Variants in PTDSS1 observed in about 807,000 individuals in gnomAD.
PTDSS1 encodes the protein PSS-1.
A neutral mutation model predicts 70.5 loss-of-function variants in PTDSS1; 45 were observed. The ratio of observed to expected loss-of-function variants is 0.64; its 90% CI spans 0.50 to 0.82. The LOEUF (loss-of-function observed/expected upper bound fraction) is 0.82, where lower values mean the gene tolerates loss of function less well. Among genes scored for constraint, PTDSS1 ranks in the 40% least tolerant of loss-of-function variants. The pLI is 0.00. For synonymous variants in PTDSS1, 188 were observed against 203.8 expected, an observed-to-expected ratio of 0.92 and a Z score of 0.66; for missense variants, 417 against 586.1, an observed-to-expected ratio of 0.71 and a Z score of 2.98.
intron 3 of PTDSS1, among the ~76,000 whole-genome samples, chr8:96,286,699 G>T (rs564481833): frequency 2.0e-5 from 3 of 152,174 alleles, no homozygotes; most frequent in Non-Finnish European, 4.4e-5. Context: ...TTCGGAAACC[G>T]ACCTGCATGC....
chr8:96,266,008 A>G (rs1208022312), intron 1 of PTDSS1, among the ~76,000 whole-genome samples: 1 of 152,254 alleles, frequency 6.6e-6, no homozygotes, highest in Non-Finnish European at 1.5e-5. Flanking sequence ...GGCAAGGAAA[A>G]CTTTTGTCTC....
At chr8:96,330,971 C>G in intron 11 of PTDSS1, 55 bp from the exon 12 acceptor site, 4 of 1,493,152 alleles carry the variant, frequency 2.7e-6, no homozygotes, top group Non-Finnish European at 3.7e-6. Context: ...TTTGCCCTGC[C>G]ACTTCTCCCA....
At chr8:96,281,010 G>A (rs925339187) in intron 2 of PTDSS1, among the ~76,000 whole-genome samples, 1 of 152,154 alleles carries the variant, frequency 6.6e-6, no homozygotes, top group Non-Finnish European at 1.5e-5. Flanking sequence ...CTCATGCCGG[G>A]CAGGTGATGC....
intron 1 of PTDSS1, among the ~76,000 whole-genome samples, chr8:96,269,615 AC>A (rs1488198752): frequency 6.6e-6 from 1 of 152,190 alleles, no homozygotes; most frequent in Non-Finnish European, 1.5e-5. Flanking sequence ...AGCAGGAACC[AC>A]ACTGCAGCCT....
chr8:96,308,887 GT>G (rs564942789), intron 8 of PTDSS1, among the ~76,000 whole-genome samples: 1 of 151,714 alleles, frequency 6.6e-6, no homozygotes, highest in Non-Finnish European at 1.5e-5. Flanking sequence ...GTCATTGCCT[GT>G]TTTTTTTCTG....
At chr8:96,317,190 C>T (rs1287971804) in intron 9 of PTDSS1, among the ~76,000 whole-genome samples, 4 of 152,020 alleles carry the variant, frequency 2.6e-5, no homozygotes, top group Admixed American at 1.3e-4. Flanking sequence ...CCTTCCAGGT[C>T]CATGTTACCC....
At chr8:96,303,160 A>G (rs1447735766) in intron 6 of PTDSS1, among the ~76,000 whole-genome samples, 4 of 152,142 alleles carry the variant, frequency 2.6e-5, no homozygotes, top group African/African-American at 4.8e-5. Context: ...CAGTCTTTCT[A>G]TGCACTTTGC....
intron 10 of PTDSS1, among the ~76,000 whole-genome samples, chr8:96,326,331 G>A (rs558207481): frequency 2.6e-5 from 4 of 152,234 alleles, no homozygotes; most frequent in East Asian, 1.9e-4. Context: ...TGCTTTGTAC[G>A]TAACTCTCAG....
At chr8:96,287,277 G>A in intron 4 of PTDSS1, 131 bp downstream of exon 4, 1 of 1,297,792 alleles carries the variant, frequency 7.7e-7, no homozygotes, top group Non-Finnish European at 1.1e-6. Flanking sequence ...CCAGGTCTCT[G>A]GGAGGGTTGT....
chr8:96,316,692 A>T (rs948397507), intron 9 of PTDSS1, among the ~76,000 whole-genome samples: 3 of 152,084 alleles, frequency 2.0e-5, no homozygotes, highest in African/African-American at 7.2e-5. Context: ...AAAAAATTTT[A>T]AAAAAACATT....
At chr8:96,324,202 G>A (rs1337442034) in intron 10 of PTDSS1, among the ~76,000 whole-genome samples, 6 of 152,276 alleles carry the variant, frequency 3.9e-5, no homozygotes, top group Non-Finnish European at 7.4e-5. Context: ...GGTCGGGAAC[G>A]CTTAAGTAAT....
At chr8:96,283,328 G>A (rs1337957193) in intron 2 of PTDSS1, among the ~76,000 whole-genome samples, 1 of 152,208 alleles carries the variant, frequency 6.6e-6, no homozygotes, top group Non-Finnish European at 1.5e-5. Flanking sequence ...CATAGAACAG[G>A]TACTCACCAG....
At position 96,287,074 on chromosome 8, in the gene PTDSS1, C is replaced by G. The variant is rs536174142; in HGVS notation, c.369C>G (p.Phe123Leu). The part of the protein sequence containing the change: ...LFLVFLLFLN[F>L]EQVKSLMYWL... ...TGGTATTCCTACTCTTCCTGAATTT[C>G]GAGCAGGTTAAATCTCTAATGTATT... Residue 123 changes from phenylalanine to leucine, a missense_variant, in exon 4 of 13, where the codon TTC (phenylalanine) becomes TTG (leucine). Phe to Leu is a conservative substitution (Grantham distance 22). This residue lies in a region of PTDSS1 where 272 missense variants were observed against 429.5 expected (regional missense o/e 0.63). Coordinates refer to ENST00000517309, the MANE Select transcript of PTDSS1 (RefSeq NM_014754.3). 6.8e-6 allele frequency: 11 copies of G among 1,613,812 alleles called. No individual in the cohort carries two copies. Among genetic ancestry groups the G allele is most frequent in the Non-Finnish European group, 9.3e-6 (11 of 1,179,812 alleles).
At chr8:96,331,960 G>A (rs972641650) in intron 12 of PTDSS1, among the ~76,000 whole-genome samples, 1 of 139,366 alleles carries the variant, frequency 7.2e-6, no homozygotes, top group Non-Finnish European at 1.5e-5. Context: ...AGAGATAGGA[G>A]GGTCACTTGA....
intron 2 of PTDSS1, 75 bp from the exon 3 acceptor site, chr8:96,284,034 A>C: frequency 8.3e-7 from 1 of 1,208,874 alleles, no homozygotes; most frequent in Non-Finnish European, 1.2e-6. Flanking sequence ...ATCTGTATGG[A>C]GATCAGCAGC....
At chr8:96,322,229 C>A (rs1043020949) in intron 10 of PTDSS1, among the ~76,000 whole-genome samples, 1 of 152,162 alleles carries the variant, frequency 6.6e-6, no homozygotes, top group African/African-American at 2.4e-5. Flanking sequence ...CCCAGGCAGC[C>A]CTCTCTGGTC....
intron 4 of PTDSS1, among the ~76,000 whole-genome samples, chr8:96,293,106 C>T (rs1186820606): frequency 6.6e-6 from 1 of 152,198 alleles, no homozygotes; most frequent in Non-Finnish European, 1.5e-5. Context: ...CATGCATGCA[C>T]GTTCCGTGAT....
intron 2 of PTDSS1, among the ~76,000 whole-genome samples, chr8:96,282,211 C>G (rs536362917): frequency 1.8e-4 from 27 of 152,262 alleles, no homozygotes; most frequent in African/African-American, 6.0e-4. Flanking sequence ...CTTATGGTGA[C>G]AAGTCAAGAG....
chr8:96,273,457 G>A (rs1810595983), intron 2 of PTDSS1, 67 bp downstream of exon 2: 5 of 1,194,860 alleles, frequency 4.2e-6, no homozygotes, highest in South Asian at 2.7e-5. Flanking sequence ...TGAGATGTGA[G>A]TCATCTAGAA....
Sources: allele counts gnomAD v4.1 joint callset (sites outside exome capture counted in the v4.1 genomes callset), GRCh38; gene constraint gnomAD v4.1.1; regional missense constraint gnomAD v4.1.1; transcripts MANE v1.5; gene names NCBI Gene and HGNC (gene_info 2026-07-23, HGNC 2026-07-21).